The following SUCLG2 variants were observed in gnomAD, a reference collection of about 807,000 sequenced individuals.
The protein encoded by SUCLG2 is succinate-CoA ligase GDP-forming subunit beta.
Under a neutral mutation model 47.9 loss-of-function variants are expected in SUCLG2, and 42 were observed. That is an observed-to-expected ratio of 0.88 (90% CI 0.69 to 1.14). The LOEUF (loss-of-function observed/expected upper bound fraction) is 1.14. Among genes scored for constraint, SUCLG2 ranks in the 50% most tolerant of loss-of-function variants. The pLI is 0.00. For missense variants in SUCLG2, 571 were observed against 525.9 expected (o/e 1.09, Z -0.84); for synonymous variants, 195 against 197.3 (o/e 0.99, Z 0.10).
At chr3:67,452,035 G>A (rs1169216803) in intron 9 of SUCLG2, among the ~76,000 whole-genome samples, 1 of 152,056 alleles carries the variant, frequency 6.6e-6, no homozygotes, top group African/African-American at 2.4e-5. Flanking sequence ...CAACTCCCTA[G>A]AATCATCTAG....
At chr3:67,517,586 G>A in intron 6 of SUCLG2, among the ~76,000 whole-genome samples, 1 of 152,172 alleles carries the variant, frequency 6.6e-6, no homozygotes, top group East Asian at 1.9e-4. Flanking sequence ...CAGAGCAGGG[G>A]ACGATACTAA....
chr3:67,408,815 T>A (rs181600806), intron 9 of SUCLG2: 2 of 1,395,892 alleles, frequency 1.4e-6, no homozygotes, highest in African/African-American at 1.5e-5. Context: ...AGCTTAAACA[T>A]CACACAGCAG....
chr3:67,389,878 T>C (rs1702342836), intron 10 of SUCLG2, among the ~76,000 whole-genome samples: 1 of 152,196 alleles, frequency 6.6e-6, no homozygotes, highest in African/African-American at 2.4e-5. Flanking sequence ...TTCATATCAA[T>C]ATTAAAATTG....
intron 1 of SUCLG2, among the ~76,000 whole-genome samples, chr3:67,623,739 C>A (rs1204819960): frequency 1.3e-5 from 2 of 152,158 alleles, no homozygotes; most frequent in Non-Finnish European, 1.5e-5. Context: ...GTGAGAGGAA[C>A]AACAGCAGTG....
At chr3:67,415,136 G>A (rs973715869) in intron 9 of SUCLG2, among the ~76,000 whole-genome samples, 2 of 152,180 alleles carry the variant, frequency 1.3e-5, no homozygotes, top group Non-Finnish European at 2.9e-5. Flanking sequence ...GATTACAAGC[G>A]TGAGCCACCA....
chr3:67,408,617 A>C (rs772675412), intron 9 of SUCLG2: 49 of 1,012,856 alleles, frequency 4.8e-5, no homozygotes, highest in Non-Finnish European at 5.8e-5. Flanking sequence ...AATGGGTCTA[A>C]TTAGACTCCA....
chr3:67,554,982 G>A (rs1707119681), intron 2 of SUCLG2, among the ~76,000 whole-genome samples: 1 of 152,182 alleles, frequency 6.6e-6, no homozygotes, highest in Admixed American at 6.5e-5. Flanking sequence ...GGATGTTGGG[G>A]AGCTTCCTCA....
chr3:67,616,311 A>C (rs2122479), intron 1 of SUCLG2, among the ~76,000 whole-genome samples: 4 of 151,948 alleles, frequency 2.6e-5, no homozygotes, highest in African/African-American at 9.7e-5. Flanking sequence ...TGGTAGCACT[A>C]ATTATTCTAC....
intron 9 of SUCLG2, among the ~76,000 whole-genome samples, chr3:67,424,414 A>T (rs1703247661): frequency 6.6e-6 from 1 of 152,184 alleles, no homozygotes; most frequent in Admixed American, 6.5e-5. Flanking sequence ...AGTCACCAAC[A>T]TCCCTCCTAA....
chr3:67,625,551 T>C (rs548342125), intron 1 of SUCLG2, among the ~76,000 whole-genome samples: 2 of 152,278 alleles, frequency 1.3e-5, no homozygotes, highest in South Asian at 4.1e-4. Context: ...CATTACTCTC[T>C]TCTCTTGAGG....
At chr3:67,384,003 C>T (rs62256370) in intron 10 of SUCLG2, among the ~76,000 whole-genome samples, 427 of 152,214 alleles carry the variant, frequency 2.8e-3, no homozygotes, top group African/African-American at 9.6e-3. Context: ...CTCTAATTTA[C>T]GGATGATTTA....
intron 2 of SUCLG2, among the ~76,000 whole-genome samples, chr3:67,599,381 G>A (rs1010930303): frequency 1.3e-5 from 2 of 152,308 alleles, no homozygotes; most frequent in African/African-American, 2.4e-5. Flanking sequence ...TTGTGACTGC[G>A]TCATGCACAG....
At chr3:67,639,117 GT>G (rs1196443220) in intron 1 of SUCLG2, among the ~76,000 whole-genome samples, 2 of 152,126 alleles carry the variant, frequency 1.3e-5, no homozygotes, top group Non-Finnish European at 2.9e-5. Context: ...TTCCTGGCAT[GT>G]TTTTAAAGAA....
chr3:67,396,531 T>C (rs1437786926), intron 10 of SUCLG2, among the ~76,000 whole-genome samples: 1 of 152,110 alleles, frequency 6.6e-6, no homozygotes, highest in African/African-American at 2.4e-5. Flanking sequence ...CAATAATCAA[T>C]AGCTTACCAA....
At chr3:67,551,423 G>A (rs1028722785) in intron 2 of SUCLG2, among the ~76,000 whole-genome samples, 1 of 152,148 alleles carries the variant, frequency 6.6e-6, no homozygotes, top group Non-Finnish European at 1.5e-5. Flanking sequence ...CATGGCTGCC[G>A]CTAGTGCTGG....
At chr3:67,386,594 C>A (rs1702266470) in intron 10 of SUCLG2, among the ~76,000 whole-genome samples, 1 of 152,164 alleles carries the variant, frequency 6.6e-6, no homozygotes, top group Non-Finnish European at 1.5e-5. Context: ...TACATGGTGG[C>A]AGGCAAGAAA....
intron 10 of SUCLG2, among the ~76,000 whole-genome samples, chr3:67,394,748 A>G (rs1207547210): frequency 1.3e-5 from 2 of 151,492 alleles, no homozygotes; most frequent in Non-Finnish European, 2.9e-5. Context: ...AAATGAAGGA[A>G]AAAATGTTAA....
rs572089311 is a variant in SUCLG2 at position 67,496,016 on chromosome 3, C to G, written c.920-76G>C. The G allele has an allele frequency of 8.3e-6, 13 of 1,573,606 alleles. No individual in the cohort carries two copies. The South Asian group carries it at 1.4e-4, about 17-fold the overall frequency. ...TGGTCCATAAACATTTTCCCTCCCC[C>G]ATATTGCCAAGAGAGAACTCTGTCA... is the stretch of plus-strand genomic sequence containing the variant. On this transcript the variant is annotated intron_variant, in intron 8 of 10. Coordinates refer to ENST00000307227, the MANE Select transcript of SUCLG2 (RefSeq NM_003848.4).
chr3:67,596,314 C>T (rs1278489863), intron 2 of SUCLG2, among the ~76,000 whole-genome samples: 4 of 152,130 alleles, frequency 2.6e-5, no homozygotes, highest in Admixed American at 1.3e-4. Flanking sequence ...CTGTTTAAAG[C>T]TAGAATTGCC....
Sources: gnomAD v4.1 joint callset for allele counts (sites outside exome capture counted in the v4.1 genomes callset) on GRCh38, gnomAD v4.1.1 for gene constraint, MANE v1.5 for transcripts, NCBI Gene and HGNC (gene_info 2026-07-23, HGNC 2026-07-21) for gene names.